NXPE2: variants seen among roughly 807,000 people sequenced by gnomAD.
NXPE2 encodes the protein NXPE family member 2.
In NXPE2, 34 loss-of-function variants were observed where a neutral mutation model predicts 34.4. The ratio of observed to expected loss-of-function variants is 0.99; its 90% CI spans 0.75 to 1.31. The LOEUF is 1.31. Among genes scored for constraint, NXPE2 ranks in the 40% most tolerant of loss-of-function variants. The pLI, the probability that NXPE2 is intolerant of heterozygous loss-of-function variation, is 0.00. For missense variants in NXPE2, 649 were observed against 672.5 expected (o/e 0.97, Z 0.39); for synonymous variants, 235 against 231.3 (o/e 1.02, Z -0.15).
the NXPE2 span, among the ~76,000 whole-genome samples, chr11:114,546,477 T>C: frequency 2.6e-5 from 4 of 151,774 alleles, no homozygotes; most frequent in Admixed American, 1.3e-4. Context: ...TTTTCTTTTT[T>C]TTTTTTTAGA....
chr11:114,718,293 G>C, the NXPE2 span, among the ~76,000 whole-genome samples: 1 of 152,118 alleles, frequency 6.6e-6, no homozygotes, highest in Admixed American at 6.5e-5. Context: ...TTATCTCATA[G>C]AGTGGAGTTA....
At chr11:114,680,559 T>A (rs1028120334) in intron 2 of NXPE2, among the ~76,000 whole-genome samples, 1 of 152,068 alleles carries the variant, frequency 6.6e-6, no homozygotes, top group Non-Finnish European at 1.5e-5. Context: ...CCTCTTCTCT[T>A]CTATGCTTGT....
the NXPE2 span, among the ~76,000 whole-genome samples, chr11:114,757,281 TC>T: frequency 6.6e-6 from 1 of 152,042 alleles, no homozygotes; most frequent in Non-Finnish European, 1.5e-5. Flanking sequence ...AGCAGATTCT[TC>T]CCTTACTAAT....
chr11:114,790,484 G>A, the NXPE2 span, among the ~76,000 whole-genome samples: 1 of 152,174 alleles, frequency 6.6e-6, no homozygotes, highest in East Asian at 1.9e-4. Context: ...AATTCCAGGT[G>A]CCTCTGATTC....
the NXPE2 span, among the ~76,000 whole-genome samples, chr11:114,602,044 ATAT>A: frequency 1.1e-5 from 1 of 91,032 alleles, no homozygotes; most frequent in African/African-American, 4.6e-5. Flanking sequence ...TATATAATAT[ATAT>A]TATATTATAT....
the NXPE2 span, among the ~76,000 whole-genome samples, chr11:114,780,903 G>A: frequency 6.6e-6 from 1 of 152,170 alleles, no homozygotes; most frequent in East Asian, 1.9e-4. Flanking sequence ...GCGATCCAGG[G>A]GATGTGGCGT....
chr11:114,734,740 T>G, the NXPE2 span, among the ~76,000 whole-genome samples: 1 of 152,182 alleles, frequency 6.6e-6, no homozygotes, highest in African/African-American at 2.4e-5. Flanking sequence ...CTTAGCTACA[T>G]GCTCAAGGAA....
At chr11:114,614,496 C>A in the NXPE2 span, among the ~76,000 whole-genome samples, 7 of 149,714 alleles carry the variant, frequency 4.7e-5, no homozygotes, top group African/African-American at 1.7e-4. Flanking sequence ...AGCACAGTTA[C>A]CCGGTGGATA....
In NXPE2 at chr11:114,695,830, A is replaced by AACACACACACACACACACACACAC. The variant is rs67132329; in HGVS notation, c.133-2201_133-2178dup. 4.5e-3 allele frequency among the ~76,000 whole-genome samples: 595 copies of AACACACACACACACACACACACAC among 132,596 alleles called. 4 individuals are homozygous for AACACACACACACACACACACACAC. Among genetic ancestry groups the AACACACACACACACACACACACAC allele is most frequent in the South Asian group, 6.5e-3 (23 of 3,552 alleles). The allele number at this position is 132,596 out of a possible 152,430, so 87.0% of individuals were successfully genotyped here. ...ACATGGTGAAAGAACGTCTCTACTA[A>AACACACACACACACACACACACAC]ACACACACACACACACACACACACA... is the stretch of plus-strand genomic sequence containing the variant. On this transcript the variant is annotated intron_variant, in intron 2 of 5. Coordinates refer to ENST00000389586, the MANE Select transcript of NXPE2 (RefSeq NM_182495.6).
the NXPE2 span, among the ~76,000 whole-genome samples, chr11:114,661,767 A>G: frequency 6.6e-6 from 1 of 152,252 alleles, no homozygotes; most frequent in Non-Finnish European, 1.5e-5. Context: ...AGTTCAATTC[A>G]AAACTTGCTA....
At chr11:114,582,574 T>C in the NXPE2 span, 4 of 1,614,060 alleles carry the variant, frequency 2.5e-6, no homozygotes, top group African/African-American at 5.3e-5. Context: ...CTGGGGTGGA[T>C]GAGCAGCAGA....
chr11:114,473,397 C>T, the NXPE2 span, among the ~76,000 whole-genome samples: 38,578 of 152,064 alleles, frequency 0.25, 5,036 homozygotes, highest in East Asian at 0.37. Flanking sequence ...TTCTAAATAA[C>T]AAATTTCCTT....
chr11:114,555,794 T>C, the NXPE2 span, among the ~76,000 whole-genome samples: 1 of 152,242 alleles, frequency 6.6e-6, no homozygotes, highest in East Asian at 1.9e-4. Context: ...TACTCTTTTG[T>C]GTCTGGCTTC....
At chr11:114,485,536 G>A in the NXPE2 span, among the ~76,000 whole-genome samples, 1 of 151,668 alleles carries the variant, frequency 6.6e-6, no homozygotes, top group African/African-American at 2.4e-5. Context: ...GGCCATTCTA[G>A]TTTTTAAATG....
At chr11:114,530,585 G>T in the NXPE2 span, 8 of 1,614,086 alleles carry the variant, frequency 5.0e-6, no homozygotes, top group South Asian at 8.8e-5. Context: ...AGGACATCCT[G>T]GCCCTCAGGA....
At chr11:114,634,611 T>A in the NXPE2 span, among the ~76,000 whole-genome samples, 9 of 152,198 alleles carry the variant, frequency 5.9e-5, no homozygotes, top group East Asian at 1.7e-3. Context: ...AACATTTAAG[T>A]CTTTAATACA....
the NXPE2 span, among the ~76,000 whole-genome samples, chr11:114,712,847 A>G: frequency 3.3e-5 from 5 of 152,222 alleles, no homozygotes; most frequent in African/African-American, 1.2e-4. Flanking sequence ...TCACAAGACT[A>G]TTTCCAATAG....
At chr11:114,688,675 T>A (rs1260363275) in intron 2 of NXPE2, among the ~76,000 whole-genome samples, 1 of 152,120 alleles carries the variant, frequency 6.6e-6, no homozygotes, top group African/African-American at 2.4e-5. Flanking sequence ...CACTCTTCTT[T>A]GTATGTCTGG....
the NXPE2 span, among the ~76,000 whole-genome samples, chr11:114,669,799 C>T: frequency 6.6e-6 from 1 of 152,026 alleles, no homozygotes; most frequent in South Asian, 2.1e-4. Flanking sequence ...AAAAACTCTT[C>T]CAAAGATAAT....
Sources: allele counts gnomAD v4.1 joint callset (sites outside exome capture counted in the v4.1 genomes callset), GRCh38; gene constraint gnomAD v4.1.1; transcripts MANE v1.5; gene names NCBI Gene and HGNC (gene_info 2026-07-23, HGNC 2026-07-21).